The following LRMDA variants were observed in gnomAD, a reference collection of about 807,000 sequenced individuals.
LRMDA encodes leucine-rich melanocyte differentiation-associated protein.
A neutral mutation model predicts 29.8 loss-of-function variants in LRMDA; 18 were observed. The observed-to-expected ratio is 0.60, with a 90% CI of 0.42 to 0.90. The LOEUF (loss-of-function observed/expected upper bound fraction) is 0.90, where lower values mean the gene tolerates loss of function less well. Among genes scored for constraint, LRMDA ranks in the 40% least tolerant of loss-of-function variants. The pLI is 0.00. For synonymous variants in LRMDA, 125 were observed against 109.4 expected (o/e 1.14, Z -0.89); for missense variants, 273 against 273.9 (o/e 1.00, Z 0.02).
chr10:76,480,967 G>C (rs1464963924), intron 6 of LRMDA, among the ~76,000 whole-genome samples: 1 of 151,924 alleles, frequency 6.6e-6, no homozygotes, highest in African/African-American at 2.4e-5. Flanking sequence ...AAAAGAAATT[G>C]AGGCATTTAG....
At chr10:76,186,263 G>T (rs1238940973) in intron 5 of LRMDA, among the ~76,000 whole-genome samples, 1 of 152,174 alleles carries the variant, frequency 6.6e-6, no homozygotes, top group East Asian at 1.9e-4. Context: ...TAGCCTCGGA[G>T]CCCCAAGAAA....
At chr10:75,716,013 C>A (rs529900960) in intron 2 of LRMDA, among the ~76,000 whole-genome samples, 1 of 152,184 alleles carries the variant, frequency 6.6e-6, no homozygotes, top group Non-Finnish European at 1.5e-5. Context: ...TCTATCAGTG[C>A]TAGAAGAGGC....
chr10:75,469,512 T>C (rs1423179432), intron 2 of LRMDA, among the ~76,000 whole-genome samples: 3 of 152,070 alleles, frequency 2.0e-5, no homozygotes, highest in African/African-American at 7.2e-5. Flanking sequence ...CATCCTGCAT[T>C]TGTTTTTAGC....
rs1798550990 is a variant in LRMDA at position 76,143,520 on chromosome 10, C to T, written c.516+84737C>T. Among the ~76,000 whole-genome samples the T allele has an allele frequency of 3.3e-5, 5 of 151,936 alleles. No homozygotes were observed. In the South Asian group the frequency reaches 1.0e-3, roughly 32 times the overall value. ...GAGAAGTGTCTGTTCATATCCTTTG[C>T]CCACTTTTTGATGGGGTTGTTTGTT... On this transcript the variant is annotated intron_variant, in intron 5 of 6. Transcript: ENST00000611255.
chr10:76,389,455 C>CT (rs1841698001), intron 6 of LRMDA, among the ~76,000 whole-genome samples: 1 of 152,210 alleles, frequency 6.6e-6, no homozygotes, highest in African/African-American at 2.4e-5. Flanking sequence ...TAGCATTTGC[C>CT]TTTTTTATTG....
intron 5 of LRMDA, among the ~76,000 whole-genome samples, chr10:76,237,735 T>C (rs1291494090): frequency 6.6e-6 from 1 of 151,004 alleles, no homozygotes. Context: ...GGAAGCTTCC[T>C]GTGATTGCAA....
chr10:75,590,726 CTTTTTTTTTTTTTTTTTTTTTTTTTTT>C (rs67966004), intron 2 of LRMDA, among the ~76,000 whole-genome samples: 33 of 71,384 alleles, frequency 4.6e-4, no homozygotes, highest in East Asian at 2.2e-3. Flanking sequence ...ATAAAATAGT[CTTTTTTTTTTTTTTTTTTTTTTTTTTT>C]TTTTTTTTTT....
At chr10:76,396,078 T>C (rs1589165037) in intron 6 of LRMDA, among the ~76,000 whole-genome samples, 1 of 152,220 alleles carries the variant, frequency 6.6e-6, no homozygotes, top group East Asian at 1.9e-4. Context: ...TGGGCTGTGG[T>C]TTTTCCCCCT....
chr10:75,505,173 CAA>C (rs1320292958), intron 2 of LRMDA, among the ~76,000 whole-genome samples: 1 of 152,144 alleles, frequency 6.6e-6, no homozygotes, highest in Non-Finnish European at 1.5e-5. Context: ...GAGTAGCTAA[CAA>C]GAGAGAAATG....
At chr10:76,201,859 C>G (rs1365680889) in intron 5 of LRMDA, among the ~76,000 whole-genome samples, 3 of 152,102 alleles carry the variant, frequency 2.0e-5, no homozygotes, top group Non-Finnish European at 4.4e-5. Context: ...TCTTTAGTTC[C>G]CAGTTGTGCA....
intron 6 of LRMDA, among the ~76,000 whole-genome samples, chr10:76,529,108 G>A (rs140320517): frequency 4.6e-5 from 7 of 152,168 alleles, no homozygotes; most frequent in African/African-American, 9.6e-5. Flanking sequence ...ATACAGTGCC[G>A]TATGCAACCA....
rs191424047 is a variant in LRMDA, at chr10:75,894,482, T to C, written c.132-141526T>C. On this transcript the variant is annotated intron_variant, in intron 2 of 6. Transcript: ENST00000611255. ...TTTGCAATTGTGAATTGTGCTGCTA[T>C]AAACATGTGTGTGCAAGTATCATTT... Among the ~76,000 whole-genome samples the C allele has an allele frequency of 5.3e-5, 8 of 152,380 alleles. No individual in the cohort carries two copies. In the East Asian group the frequency reaches 1.5e-3, roughly 29 times the overall value.
At chr10:76,270,564 TTCAA>T (rs1159416177) in intron 5 of LRMDA, 3 of 152,416 alleles carry the variant, frequency 2.0e-5, no homozygotes, top group Non-Finnish European at 4.4e-5. Context: ...TTTCAGTTCT[TTCAA>T]TCAATATTTT....
intron 6 of LRMDA, among the ~76,000 whole-genome samples, chr10:76,507,555 C>CA (rs1484549890): frequency 6.6e-6 from 1 of 152,024 alleles, no homozygotes; most frequent in Admixed American, 6.6e-5. Context: ...AGGTCTTACT[C>CA]AAAAAATATT....
chr10:76,132,955 ACCACGCCCGG>A (rs1439537317), intron 5 of LRMDA, among the ~76,000 whole-genome samples: 1 of 113,214 alleles, frequency 8.8e-6, no homozygotes, highest in African/African-American at 3.5e-5. Context: ...GGCATCCACC[ACCACGCCCGG>A]CTTTTTTTTT....
chr10:75,750,663 C>T (rs1318555940), intron 2 of LRMDA, among the ~76,000 whole-genome samples: 2 of 147,488 alleles, frequency 1.4e-5, no homozygotes, highest in African/African-American at 5.0e-5. Context: ...AGAGATGCTC[C>T]TCACTTCCCA....
chr10:76,377,709 G>A (rs1274221993), intron 6 of LRMDA, among the ~76,000 whole-genome samples: 1 of 152,086 alleles, frequency 6.6e-6, no homozygotes, highest in Admixed American at 6.5e-5. Flanking sequence ...ACTATGTCTG[G>A]GTTTTCTGTT....
chr10:75,947,450 G>A (rs1846495975), intron 2 of LRMDA, among the ~76,000 whole-genome samples: 1 of 152,130 alleles, frequency 6.6e-6, no homozygotes, highest in Non-Finnish European at 1.5e-5. Flanking sequence ...TCCCATTGCT[G>A]GGCTCCGGAT....
chr10:75,695,621 A>G (rs1842224209), intron 2 of LRMDA, among the ~76,000 whole-genome samples: 1 of 152,178 alleles, frequency 6.6e-6, no homozygotes, highest in East Asian at 1.9e-4. Context: ...AGCTATTCCC[A>G]TTCAGAGTCC....
Sources: allele counts gnomAD v4.1 joint callset (sites outside exome capture counted in the v4.1 genomes callset), GRCh38; gene constraint gnomAD v4.1.1; transcripts MANE v1.5; gene names NCBI Gene and HGNC (gene_info 2026-07-23, HGNC 2026-07-21).